Variants in TBC1D5 observed in about 807,000 individuals in gnomAD.
The protein encoded by TBC1D5 is TBC1 domain family, member 5.
In TBC1D5, 75 loss-of-function variants were observed where a neutral mutation model predicts 100.3. The observed-to-expected ratio is 0.75, with a 90% CI of 0.62 to 0.91. TBC1D5 has a LOEUF of 0.91. TBC1D5 is among the 40% of genes least tolerant of loss of function. TBC1D5 has a pLI of 0.00. For synonymous variants in TBC1D5, 323 were observed against 325.6 expected, an observed-to-expected ratio of 0.99 and a Z score of 0.09; for missense variants, 910 against 942.4, an observed-to-expected ratio of 0.97 and a Z score of 0.45.
chr3:17,388,739 T>G (rs934416148), intron 8 of TBC1D5, among the ~76,000 whole-genome samples: 7 of 149,620 alleles, frequency 4.7e-5, no homozygotes, highest in Non-Finnish European at 7.4e-5. Context: ...GGCACAAACC[T>G]GTAGTCCCAG....
At chr3:17,455,244 T>A (rs1363562137) in intron 3 of TBC1D5, among the ~76,000 whole-genome samples, 1 of 129,460 alleles carries the variant, frequency 7.7e-6, no homozygotes, top group Non-Finnish European at 1.6e-5. Flanking sequence ...ATACATATAT[T>A]ATTGTATATA....
chr3:17,720,837 C>CT (rs745500463), intron 1 of TBC1D5, among the ~76,000 whole-genome samples: 3 of 150,020 alleles, frequency 2.0e-5, no homozygotes, highest in Admixed American at 6.6e-5. Context: ...TACTTTTTTT[C>CT]TTTTTGTTTG....
intron 13 of TBC1D5, among the ~76,000 whole-genome samples, chr3:17,323,512 T>C (rs183230714): frequency 5.4e-4 from 82 of 152,264 alleles, no homozygotes; most frequent in Middle Eastern, 3.4e-3. Flanking sequence ...TGAGTGAGTT[T>C]AGAAAAGATA....
In TBC1D5 at chr3:17,693,592, G is replaced by A. The variant is rs1379947049; in HGVS notation, c.-101+45751C>T. Among the ~76,000 whole-genome samples the A allele has an allele frequency of 3.3e-5, 5 of 152,316 alleles. No individual in the cohort carries two copies. In the South Asian group the frequency reaches 1.0e-3, roughly 32 times the overall value. On this transcript the variant is annotated intron_variant, in intron 1 of 21. Transcript: ENST00000253692. ...CAAAGCTGCCAGGAAGCTCGAACTG[G>A]GCGGAGCCCACTGCAGCTCAGCACA...
chr3:17,629,944 G>A (rs1347673305), intron 1 of TBC1D5, among the ~76,000 whole-genome samples: 18 of 152,114 alleles, frequency 1.2e-4, no homozygotes, highest in Admixed American at 3.3e-4. Flanking sequence ...TTGTACAGAA[G>A]TTACAAAAAA....
At chr3:17,285,234 G>A (rs958488616) in intron 15 of TBC1D5, among the ~76,000 whole-genome samples, 6 of 147,186 alleles carry the variant, frequency 4.1e-5, no homozygotes, top group South Asian at 2.2e-4. Context: ...GTCACTATAC[G>A]TGGATTTTAG....
chr3:17,481,566 A>T (rs539930277), intron 3 of TBC1D5, among the ~76,000 whole-genome samples: 29 of 152,356 alleles, frequency 1.9e-4, no homozygotes, highest in South Asian at 8.3e-4. Context: ...TTATCTTCAC[A>T]GAGTATGTCC....
At chr3:17,305,030 G>T (rs1041224324) in intron 14 of TBC1D5, among the ~76,000 whole-genome samples, 9 of 152,148 alleles carry the variant, frequency 5.9e-5, no homozygotes, top group Non-Finnish European at 4.4e-5. Flanking sequence ...AAAGACTACT[G>T]TACTTCTTAA....
chr3:17,632,008 T>C (rs916288056), intron 1 of TBC1D5, among the ~76,000 whole-genome samples: 2 of 152,232 alleles, frequency 1.3e-5, no homozygotes, highest in Non-Finnish European at 2.9e-5. Flanking sequence ...TTTAAAGCTA[T>C]TGCTGCCATA....
chr3:17,196,898 A>G (rs2070765875), intron 18 of TBC1D5, among the ~76,000 whole-genome samples: 1 of 152,218 alleles, frequency 6.6e-6, no homozygotes, highest in Non-Finnish European at 1.5e-5. Flanking sequence ...TTAGGGAATA[A>G]TTGAGCATAA....
intron 2 of TBC1D5, among the ~76,000 whole-genome samples, chr3:17,620,657 G>A (rs1484916427): frequency 6.6e-6 from 1 of 152,066 alleles, no homozygotes; most frequent in East Asian, 1.9e-4. Flanking sequence ...CAATAAAATT[G>A]GTTTCCTACA....
In TBC1D5 at chr3:17,718,070, G is replaced by C. The variant is rs1444614839; in HGVS notation, c.-101+21273C>G. 2.0e-5 allele frequency among the ~76,000 whole-genome samples: 3 copies of C among 152,220 alleles called. No individual in the cohort carries two copies. In the East Asian group the frequency reaches 5.8e-4, roughly 29 times the overall value. ...ACAAGATAGGAAGGGGAAAAGCGAAGGTGCCCTCCAACACATTTGGAGAGC... is the reference window on the plus strand; with the variant it reads ...ACAAGATAGGAAGGGGAAAAGCGAACGTGCCCTCCAACACATTTGGAGAGC... On this transcript the variant is annotated intron_variant, in intron 1 of 21. Transcript: ENST00000253692.
chr3:17,691,616 AGAC>A (rs2071174830), intron 1 of TBC1D5, among the ~76,000 whole-genome samples: 1 of 152,178 alleles, frequency 6.6e-6, no homozygotes, highest in South Asian at 2.1e-4. Flanking sequence ...CAAGAGATGG[AGAC>A]CATCCTGGCC....
chr3:17,533,347 C>G (rs2096251888), intron 2 of TBC1D5, among the ~76,000 whole-genome samples: 1 of 152,132 alleles, frequency 6.6e-6, no homozygotes, highest in South Asian at 2.1e-4. Context: ...ATTTAAAAAT[C>G]TTAGTTTGTT....
intron 13 of TBC1D5, among the ~76,000 whole-genome samples, chr3:17,344,254 C>T (rs2089509015): frequency 6.6e-6 from 1 of 152,046 alleles, no homozygotes; most frequent in Non-Finnish European, 1.5e-5. Context: ...AAATCACAAG[C>T]ATTCTTATAC....
At chr3:17,439,354 C>T (rs2094595985) in intron 3 of TBC1D5, among the ~76,000 whole-genome samples, 1 of 152,156 alleles carries the variant, frequency 6.6e-6, no homozygotes, top group Admixed American at 6.5e-5. Context: ...TAACAGCTAT[C>T]TGAACAAGTT....
intron 19 of TBC1D5, among the ~76,000 whole-genome samples, chr3:17,182,002 T>A (rs2068504126): frequency 6.6e-6 from 1 of 152,102 alleles, no homozygotes; most frequent in Non-Finnish European, 1.5e-5. Context: ...GAGAAACACA[T>A]CTATGGAAAA....
intron 5 of TBC1D5, 47 bp downstream of exon 5, chr3:17,406,371 G>T (rs748110199): frequency 1.0e-5 from 16 of 1,542,536 alleles, no homozygotes; most frequent in Non-Finnish European, 2.7e-6. Flanking sequence ...CAGGTAATGT[G>T]TTGATATATT....
chr3:17,166,776 G>A (rs202196783), exon 21 of TBC1D5: 63 of 1,605,412 alleles, frequency 3.9e-5, no homozygotes, highest in Non-Finnish European at 2.5e-6. Flanking sequence ...CCTGTTTAAT[G>A]GCCCCTGACA....
Sources: allele counts gnomAD v4.1 joint callset (sites outside exome capture counted in the v4.1 genomes callset), GRCh38; gene constraint gnomAD v4.1.1; transcripts MANE v1.5; gene names NCBI Gene and HGNC (gene_info 2026-07-23, HGNC 2026-07-21).